Variants in COG5 observed in about 807,000 individuals in gnomAD.
COG5 encodes the protein component of oligomeric golgi complex 5.
In COG5, 86 loss-of-function variants were observed where a neutral mutation model predicts 110.4. The observed-to-expected ratio is 0.78, with a 90% CI of 0.65 to 0.93. The LOEUF (loss-of-function observed/expected upper bound fraction) is 0.93. Ranked by LOEUF, COG5 falls within the 40% of genes least tolerant of loss-of-function variation. The probability of loss-of-function intolerance (pLI) is 0.00; values close to 1 mark genes in which losing one functional copy is unlikely to be tolerated. For missense variants in COG5, 1,077 were observed against 987.0 expected (o/e 1.09, Z -1.22); for synonymous variants, 360 against 334.6 (o/e 1.08, Z -0.83).
chr7:107,497,146 G>A (rs1798330280), intron 6 of COG5, among the ~76,000 whole-genome samples: 1 of 152,114 alleles, frequency 6.6e-6, no homozygotes. Flanking sequence ...GGAGTTTGAG[G>A]TTACAATGAG....
chr7:107,236,414 A>C, intron 18 of COG5, 36 bp downstream of exon 18: 1 of 1,487,030 alleles, frequency 6.7e-7, no homozygotes, highest in Non-Finnish European at 9.4e-7. Flanking sequence ...ATTGAGGCCA[A>C]AACATTTTTT....
At chr7:107,348,341 G>A (rs1403014988) in intron 10 of COG5, among the ~76,000 whole-genome samples, 1 of 151,974 alleles carries the variant, frequency 6.6e-6, no homozygotes, top group Non-Finnish European at 1.5e-5. Flanking sequence ...AAAGAGTTGG[G>A]CAAGGGGTCT....
intron 6 of COG5, among the ~76,000 whole-genome samples, chr7:107,517,103 A>T (rs1799975897): frequency 6.6e-6 from 1 of 152,182 alleles, no homozygotes; most frequent in African/African-American, 2.4e-5. Context: ...GAAGCTAAGA[A>T]CCTTGATAAA....
At chr7:107,535,113 G>A (rs1801485464) in intron 5 of COG5, among the ~76,000 whole-genome samples, 1 of 151,544 alleles carries the variant, frequency 6.6e-6, no homozygotes, top group South Asian at 2.1e-4. Flanking sequence ...TCAGTTCTTT[G>A]AAACCAATGA....
intron 11 of COG5, among the ~76,000 whole-genome samples, chr7:107,318,304 G>GC (rs1808942683): frequency 6.6e-6 from 1 of 152,066 alleles, no homozygotes; most frequent in Non-Finnish European, 1.5e-5. Flanking sequence ...GCGATTACAG[G>GC]CATGAGCCAT....
chr7:107,551,398 A>G (rs1802880784), intron 3 of COG5, among the ~76,000 whole-genome samples: 1 of 152,218 alleles, frequency 6.6e-6, no homozygotes. Flanking sequence ...TTTAAAAAGA[A>G]CATTTTTAAA....
chr7:107,322,367 C>T (rs976877038), intron 11 of COG5, among the ~76,000 whole-genome samples: 15 of 152,212 alleles, frequency 9.9e-5, no homozygotes, highest in Non-Finnish European at 2.1e-4. Context: ...AATACTAAAT[C>T]TTCCAGTACC....
At chr7:107,536,908 A>G (rs1366112392) in intron 5 of COG5, among the ~76,000 whole-genome samples, 1 of 152,238 alleles carries the variant, frequency 6.6e-6, no homozygotes, top group East Asian at 1.9e-4. Context: ...CTGATACCAA[A>G]ACAGATACAT....
At position 107,558,429 on chromosome 7, in the gene COG5, AC is replaced by A. The variant is rs1803492644; in HGVS notation, c.95-315del. The stretch of plus-strand genomic sequence containing the variant: ...CCTGGCCAACATGGTGAAACCTCAA[AC>A]CCCATCTCTACAAAAATACAAAAAT... On this transcript the variant is annotated intron_variant, in intron 1 of 21. Coordinates refer to ENST00000297135, the MANE Select transcript of COG5 (RefSeq NM_006348.5). Among the ~76,000 whole-genome samples the A allele has an allele frequency of 2.0e-5, 3 of 150,754 alleles. No homozygotes were observed. In the South Asian group the frequency reaches 6.3e-4, roughly 32 times the overall value.
chr7:107,266,141 A>G (rs1364415215), intron 14 of COG5, among the ~76,000 whole-genome samples: 1 of 152,158 alleles, frequency 6.6e-6, no homozygotes, highest in East Asian at 1.9e-4. Context: ...TGTGGAATCC[A>G]GGGTTAGGGT....
intron 6 of COG5, among the ~76,000 whole-genome samples, chr7:107,443,662 G>C (rs1261340386): frequency 6.6e-6 from 1 of 152,094 alleles, no homozygotes; most frequent in African/African-American, 2.4e-5. Flanking sequence ...TGACAGCCCA[G>C]AAATATTTTT....
At chr7:107,333,704 T>C (rs1410052929) in intron 10 of COG5, among the ~76,000 whole-genome samples, 1 of 152,134 alleles carries the variant, frequency 6.6e-6, no homozygotes, top group Non-Finnish European at 1.5e-5. Context: ...AAGGATTAAA[T>C]ATGATGTTTC....
At chr7:107,499,424 G>C (rs76178999) in intron 6 of COG5, among the ~76,000 whole-genome samples, 1 of 111,588 alleles carries the variant, frequency 9.0e-6, no homozygotes, top group Non-Finnish European at 1.9e-5. Flanking sequence ...TTTTTTTTTT[G>C]AGATGGAGTC....
chr7:107,378,658 C>T (rs546121064), intron 7 of COG5, among the ~76,000 whole-genome samples: 8 of 151,852 alleles, frequency 5.3e-5, no homozygotes, highest in South Asian at 4.2e-4. Flanking sequence ...AACGATCAAG[C>T]GGAAGAAAAG....
chr7:107,270,795 C>T (rs954662228), intron 14 of COG5, among the ~76,000 whole-genome samples: 6 of 149,294 alleles, frequency 4.0e-5, no homozygotes, highest in Non-Finnish European at 8.9e-5. Flanking sequence ...TATACTGTGA[C>T]TGTATATGTG....
intron 5 of COG5, among the ~76,000 whole-genome samples, chr7:107,527,865 C>A (rs1800886293): frequency 1.3e-5 from 2 of 152,064 alleles, no homozygotes; most frequent in Non-Finnish European, 2.9e-5. Context: ...CAGGCCACAG[C>A]CCTGACCAAT....
intron 19 of COG5, among the ~76,000 whole-genome samples, chr7:107,216,649 C>T (rs1343358115): frequency 6.6e-6 from 1 of 152,012 alleles, no homozygotes; most frequent in African/African-American, 2.4e-5. Context: ...CCCTCAACAA[C>T]CAATGGGTCA....
In COG5 at chr7:107,256,782, G is replaced by C; in HGVS notation, c.1699C>G (p.Gln567Glu). ...HQSVTKVVSS[Q>E]SSFPLAAEQT... The stretch of plus-strand genomic sequence containing the variant: ...TCAGCTGCCAGTGGGAATGAGCTCT[G>C]ACTGGAAACAACCTAGAACAAGGTT... Residue 567 changes from glutamine (Q) to glutamate (E), a missense_variant, in exon 16 of 22, where the codon CAG becomes GAG. Transcript: ENST00000297135. 3.7e-6 allele frequency: 6 copies of C among 1,609,988 alleles called. No homozygotes were observed. The highest frequency in any genetic ancestry group is 5.1e-6 in the Non-Finnish European group (6 of 1,177,038).
chr7:107,384,876 A>G (rs1427749790), intron 7 of COG5, among the ~76,000 whole-genome samples: 5 of 152,220 alleles, frequency 3.3e-5, no homozygotes, highest in African/African-American at 1.2e-4. Flanking sequence ...CATCCAGTCT[A>G]TGGTATTCTG....
Sources: gnomAD v4.1 joint callset for allele counts (sites outside exome capture counted in the v4.1 genomes callset) on GRCh38, gnomAD v4.1.1 for gene constraint, MANE v1.5 for transcripts, NCBI Gene and HGNC (gene_info 2026-07-23, HGNC 2026-07-21) for gene names.